The following RASGRF1 variants were observed in gnomAD, a reference collection of about 807,000 sequenced individuals.
RASGRF1 encodes the protein Ras protein specific guanine nucleotide releasing factor 1, also known as ras-specific guanine nucleotide-releasing factor 1.
In RASGRF1, 40 loss-of-function variants were observed where a neutral mutation model predicts 138.7. That is an observed-to-expected ratio of 0.29 (90% confidence interval 0.22 to 0.38). RASGRF1 has a LOEUF of 0.38. RASGRF1 is among the 10% of genes least tolerant of loss of function. RASGRF1 has a pLI of 1.00. For synonymous variants in RASGRF1, 614 were observed against 663.2 expected (o/e 0.93, Z 1.14); for missense variants, 1,108 against 1,650.4 (o/e 0.67, Z 5.69).
chr15:78,978,673 C>T, intron 24 of RASGRF1: 1 of 1,020,230 alleles, frequency 9.8e-7, no homozygotes, highest in Non-Finnish European at 1.2e-6. Flanking sequence ...TACTCTTGCC[C>T]CCGTCCCCTG....
chr15:78,996,828 A>G (rs1056750334), intron 19 of RASGRF1, among the ~76,000 whole-genome samples: 1 of 152,156 alleles, frequency 6.6e-6, no homozygotes, highest in African/African-American at 2.4e-5. Context: ...TGTGAGCCTG[A>G]GGGAAGAATG....
intron 24 of RASGRF1, chr15:78,979,330 A>G: frequency 1.7e-6 from 1 of 571,622 alleles, no homozygotes; most frequent in Non-Finnish European, 2.6e-6. Flanking sequence ...AGGGGTGAGC[A>G]GTCTGTCAAA....
At position 79,050,887 on chromosome 15, in the gene RASGRF1, C is replaced by T. The variant is rs2057421536; in HGVS notation, c.532-1299G>A. On this transcript the variant is annotated intron_variant, in intron 3 of 26. Coordinates refer to ENST00000558480, the MANE Select transcript of RASGRF1 (RefSeq NM_001145648.3). The surrounding 1 kb of genome is among the most constrained non-coding windows in gnomAD (Gnocchi z 4.1). ...TGAAAATGCTGGAATTGCTTGTCTA[C>T]TCTTCTATCTTTGCCGTGAGCTCTA... 6.6e-6 allele frequency among the ~76,000 whole-genome samples: 1 copy of T among 152,232 alleles called. No homozygotes were observed. Among genetic ancestry groups the T allele is most frequent in the South Asian group, 2.1e-4 (1 of 4,832 alleles).
chr15:79,021,620 A>G (rs953730318), intron 10 of RASGRF1, among the ~76,000 whole-genome samples: 1 of 152,244 alleles, frequency 6.6e-6, no homozygotes, highest in African/African-American at 2.4e-5. Context: ...ATATTTCAAG[A>G]GAAGTGATTT....
intron 5 of RASGRF1, among the ~76,000 whole-genome samples, chr15:79,039,641 A>G (rs1205222821): frequency 1.3e-5 from 2 of 151,996 alleles, no homozygotes; most frequent in East Asian, 3.8e-4. Context: ...GCATCTCTCT[A>G]CTTTACTGTG....
intron 20 of RASGRF1, among the ~76,000 whole-genome samples, chr15:78,992,335 G>A (rs1223389868): frequency 6.6e-6 from 1 of 152,254 alleles, no homozygotes; most frequent in Non-Finnish European, 1.5e-5. Flanking sequence ...GCCTTAGTCC[G>A]TGTCCCTGGC....
intron 5 of RASGRF1, among the ~76,000 whole-genome samples, chr15:79,038,402 A>G (rs891548563): frequency 2.0e-5 from 3 of 152,244 alleles, no homozygotes; most frequent in African/African-American, 7.2e-5. Flanking sequence ...CTCCATTTCT[A>G]AGGTTAAATT....
chr15:79,068,018 G>C (rs894176949), intron 1 of RASGRF1, among the ~76,000 whole-genome samples: 36 of 152,290 alleles, frequency 2.4e-4, no homozygotes, highest in Admixed American at 1.4e-3. Context: ...AACACAACCA[G>C]TGGTGTGGGG....
intron 1 of RASGRF1, among the ~76,000 whole-genome samples, chr15:79,067,902 A>G (rs1462714309): frequency 2.6e-5 from 4 of 152,156 alleles, no homozygotes; most frequent in African/African-American, 9.7e-5. Context: ...GAGAGAGAGG[A>G]TGAGCTCCAG....
chr15:78,988,453 C>CAGAGG (rs1365897659), intron 22 of RASGRF1, among the ~76,000 whole-genome samples: 1 of 152,198 alleles, frequency 6.6e-6, no homozygotes, highest in African/African-American at 2.4e-5. Context: ...TCCTGAGAGG[C>CAGAGG]ACACGAGTCT....
intron 26 of RASGRF1, among the ~76,000 whole-genome samples, chr15:78,964,031 C>T (rs1174646866): frequency 6.6e-6 from 1 of 152,060 alleles, no homozygotes; most frequent in South Asian, 2.1e-4. Flanking sequence ...GTCATGTTGG[C>T]CAGGCTGGTG....
rs916020176 is a variant in RASGRF1 at position 79,005,710 on chromosome 15, G to A, written c.2075+476C>T. ...GGTGGTCTAAGCAAAGCAGGGGTAA[G>A]AGTCCTTTCTCCCTCCCTCCCTCCC... On this transcript the variant is annotated intron_variant, in intron 14 of 26. Coordinates refer to ENST00000558480, the MANE Select transcript of RASGRF1 (RefSeq NM_001145648.3). 3 of 907,894 alleles carry A rather than the reference G, an allele frequency of 3.3e-6. No individual in the cohort carries two copies. The African/African-American group carries it at 5.4e-5, about 16-fold the overall frequency. The allele number at this position is 907,894 out of a possible 1,614,324, so 56.2% of individuals were successfully genotyped here. A position where few individuals can be genotyped will look rare whatever the true frequency, so the allele number is the denominator to read the frequency against.
At chr15:78,970,828 T>TG (rs2055743538) in intron 26 of RASGRF1, among the ~76,000 whole-genome samples, 1 of 120,424 alleles carries the variant, frequency 8.3e-6, no homozygotes, top group African/African-American at 2.6e-5. Context: ...GCTGAGACTT[T>TG]TTTTTTTTTT....
intron 2 of RASGRF1, among the ~76,000 whole-genome samples, 164 bp from the exon 3 acceptor site, chr15:79,058,645 G>A (rs932964835): frequency 6.6e-6 from 1 of 152,204 alleles, no homozygotes; most frequent in African/African-American, 2.4e-5. Context: ...GGTAGAGGTG[G>A]GGGCAGTCCA....
chr15:78,969,700 T>C (rs1486804721), intron 26 of RASGRF1, among the ~76,000 whole-genome samples: 1 of 152,060 alleles, frequency 6.6e-6, no homozygotes, highest in African/African-American at 2.4e-5. Flanking sequence ...AAGAAAATTC[T>C]AGGATTCTAT....
chr15:79,086,763 G>A (rs1476380382), intron 1 of RASGRF1, among the ~76,000 whole-genome samples: 1 of 152,202 alleles, frequency 6.6e-6, no homozygotes, highest in Non-Finnish European at 1.5e-5. Context: ...CTACTGAGAA[G>A]CTGGGGCTGG....
In RASGRF1 at chr15:78,987,534, A is replaced by G. The variant is rs139850584; in HGVS notation, c.3217-2330T>C. ...AACATGGTGAAACCCTGTCTCTACT[A>G]AAAATACAAAAATTACCTGGGTGCA... is the stretch of plus-strand genomic sequence containing the variant. On this transcript the variant is annotated intron_variant, in intron 22 of 26. Transcript: ENST00000558480. Among the ~76,000 whole-genome samples the G allele has an allele frequency of 5.9e-3, 903 of 152,150 alleles. 12 individuals carry two copies. Among genetic ancestry groups the G allele is most frequent in the Non-Finnish European group, 0.011 (730 of 67,994 alleles).
chr15:79,023,489 G>C (rs1330473429), intron 10 of RASGRF1, among the ~76,000 whole-genome samples: 2 of 152,154 alleles, frequency 1.3e-5, no homozygotes, highest in Non-Finnish European at 2.9e-5. Context: ...CTGTGTCGGG[G>C]GACAGGAGAT....
intron 2 of RASGRF1, among the ~76,000 whole-genome samples, chr15:79,059,372 T>C (rs1309171482): frequency 5.2e-5 from 2 of 38,412 alleles, no homozygotes; most frequent in Non-Finnish European, 5.1e-5. Context: ...CCCTTCCCAA[T>C]CCTTCCCTTC....
Sources: gnomAD v4.1 joint callset for allele counts (sites outside exome capture counted in the v4.1 genomes callset) on GRCh38, gnomAD v4.1.1 for gene constraint, Gnocchi (gnomAD v3.1) non-coding constraint, MANE v1.5 for transcripts, NCBI Gene and HGNC (gene_info 2026-07-23, HGNC 2026-07-21) for gene names.